Variants in TYR observed in about 807,000 individuals in gnomAD.
TYR encodes the protein tyrosinase, also known as LB24-AB.
Under a neutral mutation model 51.5 loss-of-function variants are expected in TYR, and 58 were observed. That is an observed-to-expected ratio of 1.13 (90% CI 0.91 to 1.40). The LOEUF is 1.40. Among genes scored for constraint, TYR ranks in the 40% most tolerant of loss-of-function variants. The pLI, the probability that TYR is intolerant of heterozygous loss-of-function variation, is 0.00. For missense variants in TYR, 732 were observed against 647.4 expected (o/e 1.13, Z -1.42); for synonymous variants, 263 against 235.2 (o/e 1.12, Z -1.08).
chr11:89,205,529 A>G (rs1943661861), intron 2 of TYR, among the ~76,000 whole-genome samples: 1 of 152,208 alleles, frequency 6.6e-6, no homozygotes, highest in African/African-American at 2.4e-5. Context: ...TATTGTGGAA[A>G]AAAATGAATG....
At chr11:89,242,557 T>G (rs973604653) in intron 3 of TYR, among the ~76,000 whole-genome samples, 7 of 152,110 alleles carry the variant, frequency 4.6e-5, no homozygotes, top group African/African-American at 1.7e-4. Flanking sequence ...GGAAGGACTT[T>G]GGTGAAGGTG....
intron 3 of TYR, among the ~76,000 whole-genome samples, chr11:89,273,202 T>A (rs1436924027): frequency 1.3e-5 from 2 of 151,946 alleles, no homozygotes; most frequent in Non-Finnish European, 2.9e-5. Flanking sequence ...AATATTTATC[T>A]AATATTATTC....
intron 3 of TYR, among the ~76,000 whole-genome samples, chr11:89,234,474 A>C (rs2135286476): frequency 6.9e-6 from 1 of 143,950 alleles, no homozygotes; most frequent in East Asian, 2.0e-4. Flanking sequence ...CTTTTGCACA[A>C]GAGGCCTAGC....
At chr11:89,287,052 C>A (rs969572269) in intron 4 of TYR, among the ~76,000 whole-genome samples, 4 of 151,740 alleles carry the variant, frequency 2.6e-5, no homozygotes, top group African/African-American at 9.7e-5. Context: ...ATATAAAAAT[C>A]ATTTTATACT....
chr11:89,277,808 T>A (rs573474004), intron 3 of TYR, among the ~76,000 whole-genome samples: 1 of 151,830 alleles, frequency 6.6e-6, no homozygotes, highest in South Asian at 2.1e-4. Flanking sequence ...ATTTTCTCAC[T>A]GATTTCTTTA....
intron 2 of TYR, among the ~76,000 whole-genome samples, chr11:89,218,446 T>G (rs1342693240): frequency 1.3e-5 from 2 of 152,088 alleles, no homozygotes; most frequent in Non-Finnish European, 2.9e-5. Flanking sequence ...AGAGGCAAAT[T>G]TAAGTGTCAT....
intron 3 of TYR, among the ~76,000 whole-genome samples, chr11:89,284,199 T>C (rs1590901660): frequency 6.6e-6 from 1 of 151,892 alleles, no homozygotes. Context: ...ATATTTATCA[T>C]ATGGTCATAC....
intron 2 of TYR, among the ~76,000 whole-genome samples, chr11:89,199,158 CATT>C (rs1189630910): frequency 1.3e-5 from 2 of 152,118 alleles, no homozygotes; most frequent in Non-Finnish European, 2.9e-5. Flanking sequence ...TCCAGTCTAT[CATT>C]GTTGTACATT....
chr11:89,209,258 T>C (rs1943717905), intron 2 of TYR, among the ~76,000 whole-genome samples: 1 of 152,198 alleles, frequency 6.6e-6, no homozygotes, highest in Non-Finnish European at 1.5e-5. Flanking sequence ...TTTCCCATGC[T>C]CTTTGCAACC....
At chr11:89,214,889 A>C (rs952384882) in intron 2 of TYR, among the ~76,000 whole-genome samples, 1 of 152,202 alleles carries the variant, frequency 6.6e-6, no homozygotes, top group Non-Finnish European at 1.5e-5. Flanking sequence ...AAGCTGCTAC[A>C]TCTAGCTACA....
intron 3 of TYR, among the ~76,000 whole-genome samples, chr11:89,260,507 G>A (rs948875202): frequency 6.6e-6 from 1 of 151,990 alleles, no homozygotes; most frequent in Non-Finnish European, 1.5e-5. Context: ...CCCAATAAAT[G>A]AAAAACTGAG....
intron 4 of TYR, among the ~76,000 whole-genome samples, chr11:89,294,501 G>C (rs765664704): frequency 1.3e-5 from 2 of 152,212 alleles, no homozygotes; most frequent in African/African-American, 2.4e-5. Flanking sequence ...CAAAGGCCCA[G>C]AGTGCGGACG....
intron 4 of TYR, among the ~76,000 whole-genome samples, chr11:89,293,011 A>C (rs1430934567): frequency 2.0e-5 from 3 of 152,146 alleles, no homozygotes; most frequent in South Asian, 2.1e-4. Context: ...TAGTTCCCTC[A>C]TCTGGTTGGG....
chr11:89,198,277 T>G (rs920477544), intron 2 of TYR, among the ~76,000 whole-genome samples: 1 of 152,058 alleles, frequency 6.6e-6, no homozygotes, highest in South Asian at 2.1e-4. Flanking sequence ...TGACACTAAT[T>G]GTATAAACTA....
intron 1 of TYR, among the ~76,000 whole-genome samples, chr11:89,186,804 G>A (rs12799349): frequency 1.3e-5 from 2 of 152,060 alleles, no homozygotes; most frequent in Admixed American, 6.5e-5. Context: ...AGTAATTGAG[G>A]TTAAGTGAGG....
At chr11:89,259,535 T>C (rs947584737) in intron 3 of TYR, among the ~76,000 whole-genome samples, 2 of 152,022 alleles carry the variant, frequency 1.3e-5, no homozygotes, top group Non-Finnish European at 2.9e-5. Flanking sequence ...AAGTAGCGAA[T>C]GTAGTTAGGT....
chr11:89,204,570 A>G (rs935464100), intron 2 of TYR, among the ~76,000 whole-genome samples: 1 of 151,614 alleles, frequency 6.6e-6, no homozygotes, highest in African/African-American at 2.4e-5. Context: ...AATTTTTTTT[A>G]TATTTTTAGT....
intron 3 of TYR, among the ~76,000 whole-genome samples, chr11:89,278,111 C>T (rs772281484): frequency 6.6e-6 from 1 of 151,670 alleles, no homozygotes; most frequent in South Asian, 2.1e-4. Flanking sequence ...TCGCATACTT[C>T]CAATCAAAGA....
chr11:89,178,038 A>T lies in TYR; in HGVS notation c.85A>T (p.Asn29Tyr). 1 of 1,614,162 alleles carries T rather than the reference A, an allele frequency of 6.2e-7. No individual in the cohort carries two copies. The highest frequency in any genetic ancestry group is 8.5e-7 in the Non-Finnish European group (1 of 1,180,026). ...HFPRACVSSK[N>Y]LMEKECCPPW... ...CCCTAGAGCCTGTGTCTCCTCTAAG[A>T]ACCTGATGGAGAAGGAATGCTGTCC... The change falls in exon 1 of 5, where the codon AAC (asparagine) becomes TAC (tyrosine). Residue 29 changes from asparagine to tyrosine, a missense_variant. By Grantham distance (143) the Asn-to-Tyr change is moderately radical (BLOSUM62 -2). Coordinates refer to ENST00000263321, the MANE Select transcript of TYR (RefSeq NM_000372.5).
Sources: allele counts gnomAD v4.1 joint callset (sites outside exome capture counted in the v4.1 genomes callset), GRCh38; gene constraint gnomAD v4.1.1; transcripts MANE v1.5; gene names NCBI Gene and HGNC (gene_info 2026-07-23, HGNC 2026-07-21).